ANKRD31: variants seen among roughly 807,000 people sequenced by gnomAD.
The protein encoded by ANKRD31 is ankyrin repeat domain-containing protein 31.
ANKRD31 carries 147 observed loss-of-function variants against 186.0 expected under a neutral mutation model. That is an observed-to-expected ratio of 0.79 (90% CI 0.69 to 0.91). ANKRD31 has a LOEUF of 0.91. Ranked by LOEUF, ANKRD31 falls within the 40% of genes least tolerant of loss-of-function variation. The pLI is 0.00. For synonymous variants in ANKRD31, 673 were observed against 736.4 expected (o/e 0.91, Z 1.39); for missense variants, 1,986 against 2,148.8 (o/e 0.92, Z 1.50).
intron 8 of ANKRD31, 34 bp from the exon 9 acceptor site, chr5:75,192,810 A>C: frequency 6.9e-7 from 1 of 1,442,560 alleles, no homozygotes; most frequent in Non-Finnish European, 9.3e-7. Context: ...AATGGCTATA[A>C]CGGTTTTTGC....
chr5:75,105,356 T>G, intron 21 of ANKRD31, 138 bp from the exon 22 acceptor site: 1 of 947,980 alleles, frequency 1.1e-6, no homozygotes, highest in South Asian at 3.7e-5. Flanking sequence ...TGCAATTTAC[T>G]GCCTTTGATT....
chr5:75,169,156 T>G (rs1753139832), intron 10 of ANKRD31, 35 bp from the exon 11 acceptor site: 1 of 1,525,312 alleles, frequency 6.6e-7, no homozygotes. Flanking sequence ...TTGTTTACAT[T>G]TGGCATCTTA....
intron 23 of ANKRD31, 141 bp downstream of exon 23, chr5:75,091,120 A>T (rs1745889936): frequency 1.2e-6 from 1 of 851,522 alleles, no homozygotes; most frequent in Non-Finnish European, 1.7e-6. Context: ...CATGATATGC[A>T]TACAGCATAT....
intron 10 of ANKRD31, among the ~76,000 whole-genome samples, chr5:75,173,918 C>G (rs1561502830): frequency 6.6e-6 from 1 of 151,980 alleles, no homozygotes; most frequent in South Asian, 2.1e-4. Flanking sequence ...CCTGCATAGC[C>G]AAGACAATCC....
intron 17 of ANKRD31, among the ~76,000 whole-genome samples, chr5:75,121,694 A>G (rs1748806393): frequency 6.6e-6 from 1 of 152,148 alleles, no homozygotes; most frequent in Non-Finnish European, 1.5e-5. Flanking sequence ...ATTAAACAAC[A>G]CACTCCTAGA....
intron 12 of ANKRD31, among the ~76,000 whole-genome samples, chr5:75,153,011 T>C (rs760534595): frequency 5.3e-5 from 8 of 151,988 alleles, no homozygotes; most frequent in Non-Finnish European, 1.0e-4. Context: ...TGATGACATA[T>C]CACTTTTAAG....
At chr5:75,181,327 C>T (rs954752324) in intron 10 of ANKRD31, among the ~76,000 whole-genome samples, 30 of 152,134 alleles carry the variant, frequency 2.0e-4, no homozygotes, top group Non-Finnish European at 3.1e-4. Flanking sequence ...GTCGGTGTGG[C>T]GATTCCTCAG....
rs1480185180 is a variant in ANKRD31 at position 75,146,963 on chromosome 5, T to C, written c.2448A>G (p.Ser816=). 1 of 1,536,262 alleles carries C rather than the reference T, an allele frequency of 6.5e-7. No homozygotes were observed. Among genetic ancestry groups the C allele is most frequent in the East Asian group, 2.4e-5 (1 of 40,884 alleles). The change falls in exon 14 of 26, where the codon TCA becomes TCG. Residue 816 remains serine (S), a synonymous_variant. Transcript: ENST00000506364. ...CCAAGCATTGAACTTCTTGACTATCTGATAAATCCAGGTTCTGGATGTGTT... is the reference window on the plus strand; with the variant it reads ...CCAAGCATTGAACTTCTTGACTATCCGATAAATCCAGGTTCTGGATGTGTT... ...KEKHIQNLDL[S]DSQEVQCLEL...
At chr5:75,086,313 T>C (rs1745474780) in intron 23 of ANKRD31, among the ~76,000 whole-genome samples, 1 of 152,230 alleles carries the variant, frequency 6.6e-6, no homozygotes, top group African/African-American at 2.4e-5. Context: ...GAGTGATTTA[T>C]TGAACAGGTT....
At chr5:75,220,463 A>C (rs1182338901) in intron 3 of ANKRD31, among the ~76,000 whole-genome samples, 1 of 152,082 alleles carries the variant, frequency 6.6e-6, no homozygotes, top group Non-Finnish European at 1.5e-5. Flanking sequence ...AACACAGAGA[A>C]GCCCTGTCTC....
At chr5:75,081,280 T>G (rs933252913) in intron 24 of ANKRD31, among the ~76,000 whole-genome samples, 7 of 152,244 alleles carry the variant, frequency 4.6e-5, no homozygotes, top group African/African-American at 1.7e-4. Flanking sequence ...TTTTCTTTTT[T>G]TTTTTAAGAC....
At chr5:75,148,719 C>A in intron 12 of ANKRD31, 91 bp from the exon 13 acceptor site, 5 of 874,610 alleles carry the variant, frequency 5.7e-6, no homozygotes, top group Non-Finnish European at 8.4e-6. Context: ...CACGAGAAAA[C>A]CAAGTGGAAT....
chr5:75,069,383 ACCCTTTCTT>A (rs2149991742), intron 25 of ANKRD31, among the ~76,000 whole-genome samples: 1 of 151,214 alleles, frequency 6.6e-6, no homozygotes, highest in South Asian at 2.1e-4. Flanking sequence ...TGTATGGCCA[ACCCTTTCTT>A]CATGCTTGGC....
intron 10 of ANKRD31, 77 bp from the exon 11 acceptor site, chr5:75,169,198 C>T: frequency 1.4e-6 from 2 of 1,450,268 alleles, no homozygotes; most frequent in Non-Finnish European, 1.8e-6. Context: ...TAAAAAACAA[C>T]TTTGATTCTA....
Position 75,112,582 on chromosome 5 carries a change from T to A in ANKRD31, c.4174A>T (p.Ile1392Phe). 6.6e-7 allele frequency: 1 copy of A among 1,524,496 alleles called. No individual in the cohort carries two copies. The highest frequency in any genetic ancestry group is 1.2e-5 in the South Asian group (1 of 82,348). The allele number at this position is 1,524,496 out of a possible 1,614,324, so 94.4% of individuals were successfully genotyped here. A position where few individuals can be genotyped will look rare whatever the true frequency, so the allele number is the denominator to read the frequency against. ...TGTTTTTCTTCTATATCTTGTAGAA[T>A]GGCACTGAGGGTCTGATGCTATCAG... ...SLSVHQTLSA[I>F]LQDIEEKQEY... The change falls in exon 20 of 26, where the codon ATT becomes TTT. Residue 1392 changes from isoleucine to phenylalanine, a missense_variant. Coordinates refer to ENST00000506364, the MANE Select transcript of ANKRD31 (RefSeq NM_001372053.1).
intron 25 of ANKRD31, among the ~76,000 whole-genome samples, chr5:75,073,141 T>A (rs1744375171): frequency 6.6e-6 from 1 of 152,078 alleles, no homozygotes; most frequent in East Asian, 1.9e-4. Flanking sequence ...CTACAAAAGT[T>A]ACAGGCCTAG....
At chr5:75,169,534 C>T (rs1228875453) in intron 10 of ANKRD31, among the ~76,000 whole-genome samples, 2 of 152,120 alleles carry the variant, frequency 1.3e-5, no homozygotes, top group Admixed American at 6.6e-5. Flanking sequence ...ACATATCACT[C>T]AGTTCAAAAG....
At chr5:75,152,190 T>G (rs999767639) in intron 12 of ANKRD31, among the ~76,000 whole-genome samples, 3 of 152,052 alleles carry the variant, frequency 2.0e-5, no homozygotes, top group Non-Finnish European at 4.4e-5. Context: ...ATTCTTGAGT[T>G]GTTCTGTCAA....
chr5:75,208,804 C>A (rs929008155), intron 4 of ANKRD31, among the ~76,000 whole-genome samples: 1 of 152,128 alleles, frequency 6.6e-6, no homozygotes, highest in Non-Finnish European at 1.5e-5. Context: ...ATATTCATTT[C>A]CCCTGAAAAT....
Sources: allele counts gnomAD v4.1 joint callset (sites outside exome capture counted in the v4.1 genomes callset), GRCh38; gene constraint gnomAD v4.1.1; transcripts MANE v1.5; gene names NCBI Gene and HGNC (gene_info 2026-07-23, HGNC 2026-07-21).